Variants in GPANK1 observed in about 807,000 individuals in gnomAD.
The protein encoded by GPANK1 is G-patch domain and ankyrin repeats 1.
In GPANK1, 22 loss-of-function variants were observed where a neutral mutation model predicts 24.0. The ratio of observed to expected loss-of-function variants is 0.92; its 90% CI spans 0.66 to 1.31. The LOEUF is 1.31. Among genes scored for constraint, GPANK1 ranks in the 50% most tolerant of loss-of-function variants. The pLI is 0.00. For missense variants in GPANK1, 469 were observed against 453.5 expected (o/e 1.03, Z -0.31); for synonymous variants, 174 against 177.4 (o/e 0.98, Z 0.15).
Position 31,664,919 on chromosome 6 carries a change from T to C in GPANK1, c.-178A>G, listed in dbSNP as rs967350430. 2 of 207,408 alleles carry C rather than the reference T, an allele frequency of 9.6e-6. No homozygotes were observed. The highest frequency in any genetic ancestry group is 5.3e-5 in the Admixed American group (1 of 19,034). The allele number at this position is 207,408 out of a possible 1,614,324, so 12.8% of individuals were successfully genotyped here. A position where few individuals can be genotyped will look rare whatever the true frequency, so the allele number is the denominator to read the frequency against. ...GGAGTTTCCTCTTCCCAAACAAAAA[T>C]AGATGGGTCACTCCCTAGAAGATCT... is the stretch of plus-strand genomic sequence containing the variant. On this transcript the variant is annotated 5_prime_UTR_variant, in exon 1 of 3. Transcript: ENST00000375896.
At chr6:31,665,577 T>G, upstream of GPANK1, 5 of 1,125,906 alleles carry the variant, frequency 4.4e-6, no homozygotes, top group Non-Finnish European at 6.1e-6. Flanking sequence ...GCCGCACCTC[T>G]CCCCTCATGA....
chr6:31,663,101 C>T (rs914843797), intron 2 of GPANK1, among the ~76,000 whole-genome samples: 4 of 151,278 alleles, frequency 2.6e-5, no homozygotes, highest in African/African-American at 9.7e-5. Context: ...CACCATGTCC[C>T]GGCAAAGCCT....
chr6:31,662,242 G>A lies in GPANK1; in HGVS notation c.*24C>T. 3 of 1,476,410 alleles carry A rather than the reference G, an allele frequency of 2.0e-6. No homozygotes were observed. The highest frequency in any genetic ancestry group is 2.3e-5 in the East Asian group (1 of 43,050). The allele number at this position is 1,476,410 out of a possible 1,614,324, so 91.5% of individuals were successfully genotyped here. A position where few individuals can be genotyped will look rare whatever the true frequency, so the allele number is the denominator to read the frequency against. On this transcript the variant is annotated 3_prime_UTR_variant, in exon 3 of 3. Coordinates refer to ENST00000375896, the MANE Select transcript of GPANK1 (RefSeq NM_033177.4). This position sits in a 1 kb window ranked among gnomAD's most constrained non-coding sequence, Gnocchi z 5.5. ...GGCCCAAGTTCAGACTTCAGCAGCA[G>A]ACTAGGGTCAGACTTTACCAAAGTC...
chr6:31,664,143 G>A lies in GPANK1; in HGVS notation c.336C>T (p.Ala112=). The A allele has an allele frequency of 6.2e-7, 1 of 1,614,200 alleles. No individual in the cohort carries two copies. Among genetic ancestry groups the A allele is most frequent in the East Asian group, 2.2e-5 (1 of 44,888 alleles). Residue 112 remains alanine, a synonymous_variant, in exon 2 of 3, where the codon GCC becomes GCT. Coordinates refer to ENST00000375896, the MANE Select transcript of GPANK1 (RefSeq NM_033177.4). The part of the protein sequence containing the change: ...DKMTHRILRA[A]QEGDLPELRR... ...TAAGTTCTGGCAGGTCCCCCTCCTG[G>A]GCTGCCCTCAGTATCCGGTGAGTCA... is the stretch of plus-strand genomic sequence containing the variant.
chr6:31,663,793 G>C (rs1489912613), intron 2 of GPANK1, 60 bp downstream of exon 2: 50 of 1,519,932 alleles, frequency 3.3e-5, no homozygotes, highest in African/African-American at 4.2e-5. Flanking sequence ...GTCTGGTGTG[G>C]TGTGGCTGGG....
rs966017946 is a variant in GPANK1 at position 31,664,103 on chromosome 6, G to A, written c.376C>T (p.Pro126Ser). 4 of 1,614,184 alleles carry A rather than the reference G, an allele frequency of 2.5e-6. No individual in the cohort carries two copies. Among genetic ancestry groups the A allele is most frequent in the Middle Eastern group, 3.3e-4 (2 of 6,062 alleles). ...DLPELRRLLE[P>S]HEAGGAGGNI... ...CCCCCAGCTCCTCCTGCCTCATGCG[G>A]TTCCAGCAGTCTCCTAAGTTCTGGC... is the stretch of plus-strand genomic sequence containing the variant. Residue 126 changes from proline (P) to serine (S), a missense_variant, in exon 2 of 3, where the codon CCG becomes TCG. Coordinates refer to ENST00000375896, the MANE Select transcript of GPANK1 (RefSeq NM_033177.4).
Position 31,661,719 on chromosome 6 carries a change from T to A in GPANK1, c.*547A>T. Reference sequence around the variant, plus strand: ...GCATCTCAAAAAAAAAAGAAAAAAATTGATAACATGGCACTTTCCCTCTCC... The same window carrying A: ...GCATCTCAAAAAAAAAAGAAAAAAAATGATAACATGGCACTTTCCCTCTCC... On this transcript the variant is annotated 3_prime_UTR_variant, in exon 3 of 3. Coordinates refer to ENST00000375896, the MANE Select transcript of GPANK1 (RefSeq NM_033177.4). The A allele has an allele frequency of 6.0e-6, 1 of 167,270 alleles. No homozygotes were observed. 10.4% of individuals were successfully genotyped at this position (167,270 alleles called of 1,614,324 possible).
Position 31,663,935 on chromosome 6 carries a change from G to C in GPANK1, c.544C>G (p.Gln182Glu), listed in dbSNP as rs1562029768. The C allele has an allele frequency of 6.2e-7, 1 of 1,613,804 alleles. No homozygotes were observed. Among genetic ancestry groups the C allele is most frequent in the East Asian group, 2.2e-5 (1 of 44,878 alleles). Residue 182 changes from glutamine (Q) to glutamate (E), a missense_variant, in exon 2 of 3, where the codon CAG becomes GAG. Physicochemically the swap from Gln to Glu is conservative, Grantham distance 29. Transcript: ENST00000375896. ...VCELSGRDAA[Q>E]LAEEAGFPEV... ...GGGAAGCCAGCTTCTTCAGCGAGCT[G>C]AGCCGCATCCCTGCCACTCAGCTCA...
Position 31,661,248 on chromosome 6 carries a change from A to ACTTC in GPANK1, c.*1017_*1018insGAAG, listed in dbSNP as rs1452039078. 17 of 124,122 alleles carry ACTTC rather than the reference A, an allele frequency of 1.4e-4. No homozygotes were observed. The highest frequency in any genetic ancestry group is 1.2e-3 in the Admixed American group (15 of 12,382). The allele number at this position is 124,122 out of a possible 1,614,324, so 7.7% of individuals were successfully genotyped here. A position where few individuals can be genotyped will look rare whatever the true frequency, so the allele number is the denominator to read the frequency against. On this transcript the variant is annotated 3_prime_UTR_variant, in exon 3 of 3. Coordinates refer to ENST00000375896, the MANE Select transcript of GPANK1 (RefSeq NM_033177.4). Reference sequence around the variant, plus strand: ...ACAAATGGGTGGAACAAAGAAGTTTAAAGTTTAGATTTGGGGGCTAGAGTT... The same window carrying ACTTC: ...ACAAATGGGTGGAACAAAGAAGTTTACTTCAAGTTTAGATTTGGGGGCTAGAGTT...
chr6:31,662,253 G>C lies in GPANK1; in HGVS notation c.*13C>G. 7 of 1,518,970 alleles carry C rather than the reference G, an allele frequency of 4.6e-6. No individual in the cohort carries two copies. Among genetic ancestry groups the C allele is most frequent in the Non-Finnish European group, 6.2e-6 (7 of 1,126,100 alleles). The allele number at this position is 1,518,970 out of a possible 1,614,324, so 94.1% of individuals were successfully genotyped here. On this transcript the variant is annotated 3_prime_UTR_variant, in exon 3 of 3. Coordinates refer to ENST00000375896, the MANE Select transcript of GPANK1 (RefSeq NM_033177.4). This position sits in a 1 kb window ranked among gnomAD's most constrained non-coding sequence, Gnocchi z 5.5. ...AGACTTCAGCAGCAGACTAGGGTCAGACTTTACCAAAGTCAGAACTCGAGG... is the reference window on the plus strand; with the variant it reads ...AGACTTCAGCAGCAGACTAGGGTCACACTTTACCAAAGTCAGAACTCGAGG...
chr6:31,662,869 C>T lies in GPANK1; in HGVS notation c.627-159G>A, dbSNP rs902945946. Among the ~76,000 whole-genome samples, 8 of 151,870 alleles carry T rather than the reference C, an allele frequency of 5.3e-5. No individual in the cohort carries two copies. The highest frequency in any genetic ancestry group is 2.0e-4 in the Admixed American group (3 of 15,258). ...TAGTGGCTCACGCCTGTAATCCCAA[C>T]ACTTTGGGAGGCAGAGGCGGGCAGA... On this transcript the variant is annotated intron_variant, in intron 2 of 2. Transcript: ENST00000375896. The surrounding 1 kb of genome is among the most constrained non-coding windows in gnomAD (Gnocchi z 5.5).
At position 31,661,594 on chromosome 6, in the gene GPANK1, G is replaced by C. The variant is rs113102746; in HGVS notation, c.*672C>G. On this transcript the variant is annotated 3_prime_UTR_variant, in exon 3 of 3. Coordinates refer to ENST00000375896, the MANE Select transcript of GPANK1 (RefSeq NM_033177.4). ...GCATGCCTGTAATCCCAGCTACTGG[G>C]GAGGCTGAGGCAGGAGAATCCCTTG... The C allele has an allele frequency of 0.03, 4,605 of 152,898 alleles. 100 individuals are homozygous for C. Among genetic ancestry groups the C allele is most frequent in the Non-Finnish European group, 0.046 (3,159 of 68,388 alleles). 9.5% of individuals were successfully genotyped at this position (152,898 alleles called of 1,614,324 possible).
upstream of GPANK1, chr6:31,665,857 A>G: frequency 8.8e-7 from 1 of 1,134,956 alleles, no homozygotes; most frequent in Non-Finnish European, 1.1e-6. Context: ...CCCGAACGCC[A>G]TACCTGGCTT....
upstream of GPANK1, chr6:31,665,913 C>T (rs1801624508): frequency 5.6e-6 from 6 of 1,080,352 alleles, no homozygotes; most frequent in South Asian, 1.2e-4. Context: ...AAGCGCCCTC[C>T]TCCGGGCCTT....
chr6:31,665,583 C>T, upstream of GPANK1: 1 of 1,297,428 alleles, frequency 7.7e-7, no homozygotes, highest in Non-Finnish European at 1.1e-6. Context: ...CCTCTCCCCT[C>T]ATGAGGCAGG....
chr6:31,665,351 G>A (rs541080479), upstream of GPANK1: 3 of 1,171,844 alleles, frequency 2.6e-6, no homozygotes, highest in African/African-American at 3.0e-5. Flanking sequence ...GGAAACCTGT[G>A]GAATGCCGAG....
Position 31,662,647 on chromosome 6 carries a change from G to A in GPANK1, c.690C>T (p.His230=). ...ACAGCAGGTGAGCAGTGGATGTGCG[G>A]TGGTTGGAATCTTGGAAGTGGGTGT... ...NCDTHFQDSN[H]RTSTAHLLSL... Residue 230 remains histidine (H), a synonymous_variant, in exon 3 of 3, where the codon CAC becomes CAT. Coordinates refer to ENST00000375896, the MANE Select transcript of GPANK1 (RefSeq NM_033177.4). The surrounding 1 kb of genome is among the most constrained non-coding windows in gnomAD (Gnocchi z 5.5). 1 of 1,612,530 alleles carries A rather than the reference G, an allele frequency of 6.2e-7. No individual in the cohort carries two copies. Among genetic ancestry groups the A allele is most frequent in the Admixed American group, 1.7e-5 (1 of 59,992 alleles).
chr6:31,661,610 G>C lies in GPANK1; in HGVS notation c.*656C>G, dbSNP rs1350548931. On this transcript the variant is annotated 3_prime_UTR_variant, in exon 3 of 3. Coordinates refer to ENST00000375896, the MANE Select transcript of GPANK1 (RefSeq NM_033177.4). Reference sequence around the variant, plus strand: ...AGCTACTGGGGAGGCTGAGGCAGGAGAATCCCTTGAACTCGGGGGGCAGAG... The same window carrying C: ...AGCTACTGGGGAGGCTGAGGCAGGACAATCCCTTGAACTCGGGGGGCAGAG... 6.5e-6 allele frequency: 1 copy of C among 153,156 alleles called. No homozygotes were observed. Among genetic ancestry groups the C allele is most frequent in the African/African-American group, 2.4e-5 (1 of 41,450 alleles). The allele number at this position is 153,156 out of a possible 1,614,324, so 9.5% of individuals were successfully genotyped here.
At chr6:31,663,748 G>C in intron 2 of GPANK1, 105 bp downstream of exon 2, 1 of 1,476,692 alleles carries the variant, frequency 6.8e-7, no homozygotes, top group Non-Finnish European at 9.0e-7. Context: ...TACACATGAG[G>C]ATAAGGAAAG....
Sources: gnomAD v4.1 joint callset for allele counts (sites outside exome capture counted in the v4.1 genomes callset) on GRCh38, gnomAD v4.1.1 for gene constraint, Gnocchi (gnomAD v3.1) non-coding constraint, MANE v1.5 for transcripts, NCBI Gene and HGNC (gene_info 2026-07-23, HGNC 2026-07-21) for gene names.